B3GALT1: variants seen among roughly 807,000 people sequenced by gnomAD.
B3GALT1 encodes beta-1,3-galactosyltransferase 1.
B3GALT1 carries 10 observed loss-of-function variants against 23.2 expected under a neutral mutation model. That is an observed-to-expected ratio of 0.43 (90% CI 0.27 to 0.73). The LOEUF (loss-of-function observed/expected upper bound fraction) is 0.73, where lower values mean the gene tolerates loss of function less well. Among genes scored for constraint, B3GALT1 ranks in the 30% least tolerant of loss-of-function variants. B3GALT1 has a pLI of 0.21. For synonymous variants in B3GALT1, 156 were observed against 141.5 expected (o/e 1.10, Z -0.73); for missense variants, 299 against 405.4 (o/e 0.74, Z 2.25).
chr2:167,767,221 G>A (rs968986307), intron 3 of B3GALT1, among the ~76,000 whole-genome samples: 4 of 152,206 alleles, frequency 2.6e-5, no homozygotes, highest in African/African-American at 9.7e-5. Context: ...TGTTTCTGCT[G>A]TTCTTGGTCC....
At chr2:167,552,112 C>A (rs1051496551) in intron 2 of B3GALT1, among the ~76,000 whole-genome samples, 3 of 152,108 alleles carry the variant, frequency 2.0e-5, no homozygotes, top group Non-Finnish European at 4.4e-5. Context: ...ATGGAAAATT[C>A]TCAGTATTGG....
intron 1 of B3GALT1, among the ~76,000 whole-genome samples, chr2:167,324,268 A>G (rs1228700042): frequency 2.6e-5 from 4 of 151,966 alleles, no homozygotes; most frequent in Non-Finnish European, 5.9e-5. Context: ...TATTAGCTTA[A>G]TAGTTGAAAT....
chr2:167,605,473 G>T (rs1684947149), intron 2 of B3GALT1, among the ~76,000 whole-genome samples: 1 of 61,446 alleles, frequency 1.6e-5, no homozygotes, highest in East Asian at 4.6e-4. Flanking sequence ...GTCACCTGAG[G>T]GCTCAGATGG....
intron 2 of B3GALT1, among the ~76,000 whole-genome samples, chr2:167,637,276 T>C (rs1685572705): frequency 2.0e-5 from 3 of 151,988 alleles, no homozygotes; most frequent in African/African-American, 7.2e-5. Context: ...TAAAACATCA[T>C]GGGGATTCTT....
intron 3 of B3GALT1, among the ~76,000 whole-genome samples, chr2:167,742,628 T>C (rs1054686946): frequency 6.6e-6 from 1 of 152,204 alleles, no homozygotes; most frequent in Non-Finnish European, 1.5e-5. Context: ...AACTTCATGC[T>C]AACCACTTAG....
chr2:167,837,924 A>G (rs563456684), intron 4 of B3GALT1, among the ~76,000 whole-genome samples: 50 of 152,290 alleles, frequency 3.3e-4, no homozygotes, highest in Non-Finnish European at 5.3e-4. Flanking sequence ...CTCCTGAATG[A>G]CTACTGGGTA....
intron 2 of B3GALT1, among the ~76,000 whole-genome samples, chr2:167,502,832 A>G: frequency 6.6e-6 from 1 of 152,194 alleles, no homozygotes; most frequent in East Asian, 1.9e-4. Flanking sequence ...TGAGGTCAGG[A>G]GTTCGAGACC....
At chr2:167,334,392 A>G (rs1200212844) in intron 1 of B3GALT1, among the ~76,000 whole-genome samples, 1 of 152,208 alleles carries the variant, frequency 6.6e-6, no homozygotes, top group Non-Finnish European at 1.5e-5. Context: ...TTTATAATTC[A>G]TTATGTTAAA....
intron 3 of B3GALT1, among the ~76,000 whole-genome samples, chr2:167,803,081 A>ACACACACAC (rs1553489029): frequency 2.1e-5 from 3 of 141,376 alleles, no homozygotes; most frequent in African/African-American, 8.1e-5. Flanking sequence ...GACCCTAACA[A>ACACACACAC]ACACACACAC....
chr2:167,614,393 A>C (rs1373984741), intron 2 of B3GALT1, among the ~76,000 whole-genome samples: 1 of 151,856 alleles, frequency 6.6e-6, no homozygotes, highest in Non-Finnish European at 1.5e-5. Flanking sequence ...ATGAGGACAG[A>C]CATTAGAAAA....
chr2:167,423,499 C>T (rs1418414935), intron 1 of B3GALT1, among the ~76,000 whole-genome samples: 1 of 152,118 alleles, frequency 6.6e-6, no homozygotes, highest in African/African-American at 2.4e-5. Context: ...AAACGTTTCT[C>T]CCCAAAACAA....
intron 1 of B3GALT1, among the ~76,000 whole-genome samples, chr2:167,337,249 G>A (rs935871231): frequency 3.3e-5 from 5 of 151,964 alleles, no homozygotes; most frequent in Non-Finnish European, 2.9e-5. Context: ...ACTTACTAGG[G>A]GATATAAGGT....
intron 3 of B3GALT1, among the ~76,000 whole-genome samples, chr2:167,764,737 T>A (rs2105301946): frequency 6.6e-6 from 1 of 152,110 alleles, no homozygotes; most frequent in East Asian, 1.9e-4. Context: ...TGAATGCAAA[T>A]AAGGAAGGAC....
intron 2 of B3GALT1, among the ~76,000 whole-genome samples, chr2:167,563,259 GCGGC>G (rs1308490637): frequency 1.5e-4 from 22 of 148,122 alleles, no homozygotes; most frequent in African/African-American, 4.1e-4. Context: ...CCCAGACGGG[GCGGC>G]TGGCCGGGCA....
intron 1 of B3GALT1, among the ~76,000 whole-genome samples, chr2:167,398,922 G>A (rs1698142465): frequency 6.6e-6 from 1 of 152,122 alleles, no homozygotes; most frequent in Admixed American, 6.6e-5. Context: ...TCTGATGCCA[G>A]TATATTTAAT....
rs567931987 is a variant in B3GALT1, at chr2:167,597,260, C to T, written c.-409-49649C>T. ...CCTCCCTAGTAGCTGGGACTACAGG[C>T]GCCAGCCACCATGCCCGGCTAATTT... On this transcript the variant is annotated intron_variant, in intron 2 of 4. Transcript: ENST00000392690. Among the ~76,000 whole-genome samples the T allele has an allele frequency of 1.8e-4, 28 of 152,052 alleles. No individual in the cohort carries two copies. In the East Asian group the frequency reaches 2.5e-3, roughly 14 times the overall value.
At chr2:167,584,665 A>G (rs1173815519) in intron 2 of B3GALT1, among the ~76,000 whole-genome samples, 1 of 152,168 alleles carries the variant, frequency 6.6e-6, no homozygotes, top group Non-Finnish European at 1.5e-5. Context: ...CTGACTGGCT[A>G]TAAATCGGGG....
intron 3 of B3GALT1, among the ~76,000 whole-genome samples, chr2:167,760,845 G>A (rs1448440712): frequency 1.3e-5 from 2 of 152,272 alleles, no homozygotes; most frequent in African/African-American, 4.8e-5. Flanking sequence ...AATTCTAGAA[G>A]AGGAAGAAAA....
chr2:167,782,383 A>G (rs1688260556), intron 3 of B3GALT1, among the ~76,000 whole-genome samples: 2 of 152,186 alleles, frequency 1.3e-5, no homozygotes, highest in Non-Finnish European at 2.9e-5. Context: ...GATGTGGGGA[A>G]CTCTTAAGGC....
Sources: gnomAD v4.1 joint callset for allele counts (sites outside exome capture counted in the v4.1 genomes callset) on GRCh38, gnomAD v4.1.1 for gene constraint, MANE v1.5 for transcripts, NCBI Gene and HGNC (gene_info 2026-07-23, HGNC 2026-07-21) for gene names.